The following ZNF674 variants were observed in gnomAD, a reference collection of about 807,000 sequenced individuals.
ZNF674 encodes zinc finger protein 674.
A neutral mutation model predicts 7.0 loss-of-function variants in ZNF674; 2 were observed. That is an observed-to-expected ratio of 0.29 (90% CI 0.12 to 0.90). The LOEUF (loss-of-function observed/expected upper bound fraction) is 0.90. Ranked by LOEUF, ZNF674 falls within the 40% of genes least tolerant of loss-of-function variation. The probability of loss-of-function intolerance (pLI) is 0.57; values close to 1 mark genes in which losing one functional copy is unlikely to be tolerated. For synonymous variants in ZNF674, 103 were observed against 145.2 expected, an observed-to-expected ratio of 0.71 and a Z score of 2.09; for missense variants, 297 against 415.5, an observed-to-expected ratio of 0.71 and a Z score of 2.48.
chrX:46,514,639 G>A (rs755150836), intron 5 of ZNF674, among the ~76,000 whole-genome samples: 1 of 112,294 alleles, frequency 8.9e-6, no homozygotes, highest in South Asian at 3.7e-4. Context: ...AGAACAGGAA[G>A]AATCAGTCTT....
At chrX:46,528,252 G>C (rs1378996386) in intron 5 of ZNF674, 98 bp downstream of exon 5, 6 of 852,265 alleles carry the variant, frequency 7.0e-6, no homozygotes, top group Non-Finnish European at 1.0e-5. Context: ...ACAAGTCCGA[G>C]GCTCTGAGAA....
At chrX:46,510,478 CATT>C (rs1941632989) in intron 5 of ZNF674, among the ~76,000 whole-genome samples, 1 of 111,436 alleles carries the variant, frequency 9.0e-6, no homozygotes, top group African/African-American at 3.3e-5. Flanking sequence ...ATACAACACT[CATT>C]AGTGATTTTT....
intron 3 of ZNF674, among the ~76,000 whole-genome samples, chrX:46,532,400 ATAGTTCT>A (rs1417223899): frequency 8.9e-6 from 1 of 111,989 alleles, no homozygotes; most frequent in African/African-American, 3.2e-5. Context: ...GAGAAAAAAC[ATAGTTCT>A]TAGTTTAAAA....
chrX:46,499,808 A>G lies in ZNF674; in HGVS notation c.*35T>C. ...GACTAGTAATAGTCAAATGACAAATAACTACTAGTATAATTATCCCACTCT... is the reference window on the plus strand; with the variant it reads ...GACTAGTAATAGTCAAATGACAAATGACTACTAGTATAATTATCCCACTCT... On this transcript the variant is annotated 3_prime_UTR_variant, in exon 6 of 6. Coordinates refer to ENST00000683375, the MANE Select transcript of ZNF674 (RefSeq NM_001190417.2). 9.9e-7 allele frequency: 1 copy of G among 1,013,697 alleles called. No homozygotes were observed. Among genetic ancestry groups the G allele is most frequent in the Non-Finnish European group, 1.3e-6 (1 of 765,164 alleles). 83.5% of individuals were successfully genotyped at this position (1,013,697 alleles called of 1,213,427 possible).
At chrX:46,501,921 T>C (rs1941438872) in intron 5 of ZNF674, among the ~76,000 whole-genome samples, 1 of 109,370 alleles carries the variant, frequency 9.1e-6, no homozygotes, top group Admixed American at 1.0e-4. Context: ...TATATATATA[T>C]ATATACACAT....
At chrX:46,531,893 G>A (rs1942114929) in intron 3 of ZNF674, among the ~76,000 whole-genome samples, 2 of 111,684 alleles carry the variant, frequency 1.8e-5, no homozygotes, top group Non-Finnish European at 1.9e-5. Context: ...GTGGCCAGGC[G>A]CGGTGGCTCA....
At position 46,501,164 on chromosome X, in the gene ZNF674, C is replaced by T; in HGVS notation, c.410G>A (p.Arg137Lys). The T allele has an allele frequency of 8.3e-7, 1 of 1,208,238 alleles. No homozygotes were observed. The highest frequency in any genetic ancestry group is 1.1e-6 in the Non-Finnish European group (1 of 893,592). ...TTCCCATGAATAATATTTAGGGAGT[C>T]TTTGTTTTACAGAAACAAAGTCTGT... ...LNTDFVSVKQ[R>K]LPKYYSWERC... The change falls in exon 6 of 6, where the codon AGA becomes AAA. Residue 137 changes from arginine to lysine, a missense_variant. Coordinates refer to ENST00000683375, the MANE Select transcript of ZNF674 (RefSeq NM_001190417.2).
rs1941390717 is a variant in ZNF674, at chrX:46,500,260, G to A, written c.1314C>T (p.Cys438=). 5.0e-6 allele frequency: 6 copies of A among 1,210,920 alleles called. No homozygotes were observed. Among genetic ancestry groups the A allele is most frequent in the Non-Finnish European group, 6.7e-6 (6 of 895,088 alleles). Residue 438 remains cysteine (C), a synonymous_variant, in exon 6 of 6, where the codon TGC becomes TGT. Coordinates refer to ENST00000683375, the MANE Select transcript of ZNF674 (RefSeq NM_001190417.2). ...RTHTGEKPYE[C]RRCGKAFGEK... Reference sequence around the variant, plus strand: ...CCCCAAAGGCTTTCCCACATCTTCTGCATTCATAAGGTTTCTCTCCTGTAT... The same window carrying A: ...CCCCAAAGGCTTTCCCACATCTTCTACATTCATAAGGTTTCTCTCCTGTAT...
At chrX:46,510,327 C>G (rs965146323) in intron 5 of ZNF674, among the ~76,000 whole-genome samples, 19 of 111,168 alleles carry the variant, frequency 1.7e-4, no homozygotes, top group Non-Finnish European at 3.4e-4. Context: ...TTTTAAAATG[C>G]TTCACAATTA....
In ZNF674 at chrX:46,529,404, C is replaced by T. The variant is rs375784751; in HGVS notation, c.16-495G>A. ...ATGACACCTTGGCCGGGCGTGATGG[C>T]TCACGCCTGTAATCCCAGCACTTTG... On this transcript the variant is annotated intron_variant, in intron 3 of 5. Coordinates refer to ENST00000683375, the MANE Select transcript of ZNF674 (RefSeq NM_001190417.2). 24 of 126,232 alleles carry T rather than the reference C, an allele frequency of 1.9e-4. No homozygotes were observed. The East Asian group carries it at 4.0e-3, about 21-fold the overall frequency. The allele number at this position is 126,232 out of a possible 1,213,427, so 10.4% of individuals were successfully genotyped here.
intron 5 of ZNF674, among the ~76,000 whole-genome samples, chrX:46,503,252 A>C (rs749616642): frequency 8.9e-6 from 1 of 112,552 alleles, no homozygotes; most frequent in Admixed American, 9.5e-5. Flanking sequence ...ACAAGCTTTC[A>C]TCTTAGAACT....
In ZNF674 at chrX:46,500,848, G is replaced by A. The variant is rs369030651; in HGVS notation, c.726C>T (p.Thr242=). Residue 242 remains threonine (T), a synonymous_variant, in exon 6 of 6, where the codon ACC becomes ACT. Transcript: ENST00000683375. ...ANLVVHQRTH[T]GEKPYECCEC... Reference sequence around the variant, plus strand: ...CGCAGCATTCATAAGGTTTCTCTCCGGTGTGAGTTCTTTGATGTACAACTA... The same window carrying A: ...CGCAGCATTCATAAGGTTTCTCTCCAGTGTGAGTTCTTTGATGTACAACTA... 27 of 1,182,740 alleles carry A rather than the reference G, an allele frequency of 2.3e-5. No individual in the cohort carries two copies. The highest frequency in any genetic ancestry group is 3.0e-5 in the East Asian group (1 of 32,855).
intron 5 of ZNF674, among the ~76,000 whole-genome samples, chrX:46,524,619 G>A (rs1000559602): frequency 9.1e-6 from 1 of 109,316 alleles, no homozygotes; most frequent in African/African-American, 3.3e-5. Flanking sequence ...AACTTGGGAG[G>A]TGGAGGTTGC....
rs1602054551 is a variant in ZNF674 at position 46,510,060 on chromosome X, G to A, written c.239-8725C>T. Among the ~76,000 whole-genome samples the A allele has an allele frequency of 5.9e-5, 6 of 101,654 alleles. No homozygotes were observed. In the South Asian group the frequency reaches 2.4e-3, roughly 40 times the overall value. 88.3% of individuals were successfully genotyped at this position (101,654 alleles called of 115,157 possible). A position where few individuals can be genotyped will look rare whatever the true frequency, so the allele number is the denominator to read the frequency against. ...AAGAACAAAAAACCAAACACCGCAT[G>A]TTCTCACTCATAGGTGGGAATTGAA... On this transcript the variant is annotated intron_variant, in intron 5 of 5. Coordinates refer to ENST00000683375, the MANE Select transcript of ZNF674 (RefSeq NM_001190417.2).
chrX:46,502,288 A>AGAGCAAG (rs1941447794), intron 5 of ZNF674, among the ~76,000 whole-genome samples: 1 of 96,881 alleles, frequency 1.0e-5, no homozygotes, highest in African/African-American at 4.1e-5. Context: ...CCTAGGTGAC[A>AGAGCAAG]GAGCAAGACT....
intron 3 of ZNF674, among the ~76,000 whole-genome samples, chrX:46,541,063 T>TAA (rs775512480): frequency 2.0e-4 from 9 of 45,006 alleles, no homozygotes; most frequent in African/African-American, 7.1e-4. Flanking sequence ...AAACTCCATT[T>TAA]AAAAAAAAAA....
intron 5 of ZNF674, among the ~76,000 whole-genome samples, chrX:46,506,250 G>A (rs930320153): frequency 9.0e-6 from 1 of 110,985 alleles, no homozygotes. Flanking sequence ...CTGGATGCCC[G>A]AACACTAGAG....
At chrX:46,524,325 G>C (rs1268928867) in intron 5 of ZNF674, among the ~76,000 whole-genome samples, 2 of 111,449 alleles carry the variant, frequency 1.8e-5, no homozygotes, top group African/African-American at 6.5e-5. Flanking sequence ...AAAATAAATA[G>C]GAGCATATCA....
intron 5 of ZNF674, among the ~76,000 whole-genome samples, chrX:46,519,626 T>G (rs948909220): frequency 1.8e-5 from 2 of 108,937 alleles, no homozygotes; most frequent in Admixed American, 2.0e-4. Context: ...AAAAAATAAA[T>G]AAATAAAAAT....
Sources: gnomAD v4.1 joint callset for allele counts (sites outside exome capture counted in the v4.1 genomes callset) on GRCh38, gnomAD v4.1.1 for gene constraint, MANE v1.5 for transcripts, NCBI Gene and HGNC (gene_info 2026-07-23, HGNC 2026-07-21) for gene names.